Variants in GULP1 observed in about 807,000 individuals in gnomAD.
The protein encoded by GULP1 is GULP PTB domain containing engulfment adaptor 1, also known as PTB domain-containing engulfment adapter protein 1.
A neutral mutation model predicts 40.9 loss-of-function variants in GULP1; 19 were observed. That is an observed-to-expected ratio of 0.46 (90% CI 0.32 to 0.68). The LOEUF is 0.68. GULP1 is among the 30% of genes least tolerant of loss of function. The pLI, the probability that GULP1 is intolerant of heterozygous loss-of-function variation, is 0.03. For synonymous variants in GULP1, 119 were observed against 117.6 expected, an observed-to-expected ratio of 1.01 and a Z score of -0.08; for missense variants, 312 against 362.2, an observed-to-expected ratio of 0.86 and a Z score of 1.12.
intron 1 of GULP1, among the ~76,000 whole-genome samples, chr2:188,294,749 G>A (rs1390020936): frequency 6.6e-6 from 1 of 152,124 alleles, no homozygotes; most frequent in Non-Finnish European, 1.5e-5. Flanking sequence ...CACTTGCAAA[G>A]TAAAGAAACT....
chr2:188,594,005 G>A lies in GULP1; in HGVS notation c.909G>A (p.Arg303=). 5 of 1,573,970 alleles carry A rather than the reference G, an allele frequency of 3.2e-6. No homozygotes were observed. Among genetic ancestry groups the A allele is most frequent in the Non-Finnish European group, 4.4e-6 (5 of 1,144,868 alleles). ...TTTGTCTCGACCCGTTAGACAGTAG[G>A]TGCTGACATCAAGAACAAGAAATCC... ...TVFCLDPLDS[R]C Residue 303 remains arginine, a synonymous_variant, in exon 12 of 12, where the codon AGG becomes AGA. Transcript: ENST00000409830.
chr2:188,356,603 C>T (rs1307975019), intron 1 of GULP1, among the ~76,000 whole-genome samples: 3 of 151,994 alleles, frequency 2.0e-5, no homozygotes, highest in Non-Finnish European at 4.4e-5. Flanking sequence ...GTTAAAATGA[C>T]CATGCTATTC....
At chr2:188,529,527 G>A (rs1413941945) in intron 6 of GULP1, among the ~76,000 whole-genome samples, 1 of 152,120 alleles carries the variant, frequency 6.6e-6, no homozygotes, top group Non-Finnish European at 1.5e-5. Flanking sequence ...TAAAAGCTGT[G>A]TGTTATTAAA....
Position 188,438,026 on chromosome 2 carries a change from G to A in GULP1, c.-44-39633G>A, listed in dbSNP as rs2057572180. Among the ~76,000 whole-genome samples the A allele has an allele frequency of 2.6e-5, 4 of 152,106 alleles. No homozygotes were observed. In the South Asian group the frequency reaches 8.3e-4, roughly 32 times the overall value. ...TCTGTAAAACAGAGCTCTGTGACAT[G>A]AGTTTACCAGTATAACAAACCCACA... On this transcript the variant is annotated intron_variant, in intron 2 of 11. Transcript: ENST00000409830.
At position 188,511,060 on chromosome 2, in the gene GULP1, CT is replaced by C. The variant is rs760420328; in HGVS notation, c.91-11695del. Among the ~76,000 whole-genome samples, 25 of 152,176 alleles carry C rather than the reference CT, an allele frequency of 1.6e-4. No individual in the cohort carries two copies. The South Asian group carries it at 4.4e-3, about 27-fold the overall frequency. On this transcript the variant is annotated intron_variant, in intron 4 of 11. Transcript: ENST00000409830. Reference sequence around the variant, plus strand: ...GCTGGTTGTATTTTCTCATTTAATTCTCACAAGAACACTGAGATTTTCCCTA... The same window carrying C: ...GCTGGTTGTATTTTCTCATTTAATTCCACAAGAACACTGAGATTTTCCCTA...
intron 1 of GULP1, among the ~76,000 whole-genome samples, chr2:188,333,561 C>G (rs927942225): frequency 3.3e-5 from 5 of 152,130 alleles, no homozygotes; most frequent in African/African-American, 1.2e-4. Flanking sequence ...CCCCAAGAAA[C>G]TATTAATCTT....
chr2:188,447,880 G>T (rs1480006531), intron 2 of GULP1, among the ~76,000 whole-genome samples: 1 of 152,056 alleles, frequency 6.6e-6, no homozygotes, highest in Non-Finnish European at 1.5e-5. Flanking sequence ...TTTTCTTATT[G>T]ATCACTGTAC....
chr2:188,532,274 A>C (rs1360355201), intron 6 of GULP1, among the ~76,000 whole-genome samples: 1 of 152,210 alleles, frequency 6.6e-6, no homozygotes, highest in Non-Finnish European at 1.5e-5. Flanking sequence ...ATCACGTTTA[A>C]ATATTTACAA....
intron 1 of GULP1, among the ~76,000 whole-genome samples, chr2:188,308,188 G>C (rs2037460122): frequency 6.6e-6 from 1 of 151,894 alleles, no homozygotes; most frequent in Admixed American, 6.6e-5. Flanking sequence ...TATGAGGAGA[G>C]ACTGTCTGTG....
At chr2:188,370,497 A>AG (rs2047461167) in intron 1 of GULP1, among the ~76,000 whole-genome samples, 1 of 152,188 alleles carries the variant, frequency 6.6e-6, no homozygotes, top group Non-Finnish European at 1.5e-5. Context: ...CTCCTCATTT[A>AG]GTTCACAATT....
chr2:188,442,387 A>G (rs1359617237), intron 2 of GULP1, among the ~76,000 whole-genome samples: 1 of 152,204 alleles, frequency 6.6e-6, no homozygotes, highest in Non-Finnish European at 1.5e-5. Flanking sequence ...TGAGCAGTTT[A>G]CAAAATGAAG....
intron 1 of GULP1, among the ~76,000 whole-genome samples, chr2:188,303,121 T>G (rs1342191166): frequency 1.3e-5 from 2 of 152,150 alleles, no homozygotes; most frequent in African/African-American, 4.8e-5. Flanking sequence ...CATTAGCAAT[T>G]TAATCTTTTT....
chr2:188,296,462 A>G (rs1482769237), intron 1 of GULP1, among the ~76,000 whole-genome samples: 2 of 152,108 alleles, frequency 1.3e-5, no homozygotes, highest in African/African-American at 4.8e-5. Flanking sequence ...ATCAGAGGAC[A>G]GTTAATTGAC....
chr2:188,481,937 T>A (rs2061474397), intron 3 of GULP1, among the ~76,000 whole-genome samples: 1 of 151,910 alleles, frequency 6.6e-6, no homozygotes, highest in Non-Finnish European at 1.5e-5. Context: ...GAATTAATCA[T>A]ATTACTATCC....
intron 2 of GULP1, among the ~76,000 whole-genome samples, chr2:188,390,134 A>AC (rs2050317409): frequency 6.6e-6 from 1 of 152,028 alleles, no homozygotes. Flanking sequence ...TTGGGTAGAT[A>AC]CCCAGTAGTG....
Position 188,478,117 on chromosome 2 carries a change from G to C in GULP1, c.28+387G>C, listed in dbSNP as rs545417932. On this transcript the variant is annotated intron_variant, in intron 3 of 11. Transcript: ENST00000409830. ...TAAATTCATTCATAATTGTGTGTGTGTGTGTGCACAGGCTTCATGTATCAT... is the reference window on the plus strand; with the variant it reads ...TAAATTCATTCATAATTGTGTGTGTCTGTGTGCACAGGCTTCATGTATCAT... Among the ~76,000 whole-genome samples the C allele has an allele frequency of 2.6e-5, 4 of 152,224 alleles. No individual in the cohort carries two copies. The East Asian group carries it at 7.7e-4, about 29-fold the overall frequency.
chr2:188,524,206 A>G (rs923786552), intron 5 of GULP1, among the ~76,000 whole-genome samples: 3 of 152,196 alleles, frequency 2.0e-5, no homozygotes, highest in African/African-American at 7.2e-5. Flanking sequence ...GTCAACCCAA[A>G]TCAAAAACCA....
At chr2:188,493,178 G>A (rs754646683) in intron 4 of GULP1, among the ~76,000 whole-genome samples, 6 of 151,922 alleles carry the variant, frequency 3.9e-5, no homozygotes, top group Admixed American at 6.6e-5. Context: ...ATGACCCAAC[G>A]ACTTGGAAGT....
chr2:188,370,794 A>C (rs906765200), intron 1 of GULP1, among the ~76,000 whole-genome samples: 1 of 152,096 alleles, frequency 6.6e-6, no homozygotes, highest in African/African-American at 2.4e-5. Flanking sequence ...GCATTTTTTA[A>C]ATTTGAGGGG....
Sources: gnomAD v4.1 joint callset for allele counts (sites outside exome capture counted in the v4.1 genomes callset) on GRCh38, gnomAD v4.1.1 for gene constraint, MANE v1.5 for transcripts, NCBI Gene and HGNC (gene_info 2026-07-23, HGNC 2026-07-21) for gene names.